Variants in PLA2G4B observed in about 807,000 individuals in gnomAD.
The protein encoded by PLA2G4B is cytosolic phospholipase A2 beta.
Under a neutral mutation model 95.8 loss-of-function variants are expected in PLA2G4B, and 122 were observed. The observed-to-expected ratio is 1.27, with a 90% CI of 1.10 to 1.48. The LOEUF (loss-of-function observed/expected upper bound fraction) is 1.48, where lower values mean the gene tolerates loss of function less well. PLA2G4B is among the 40% of genes most tolerant of loss of function. The pLI is 0.00. For missense variants in PLA2G4B, 1,158 were observed against 996.2 expected (o/e 1.16, Z -2.19); for synonymous variants, 518 against 421.5 (o/e 1.23, Z -2.80).
chr15:41,843,952 T>C, intron 11 of PLA2G4B, 141 bp downstream of exon 11: 1 of 1,416,144 alleles, frequency 7.1e-7, no homozygotes, highest in Non-Finnish European at 9.3e-7. Flanking sequence ...CACCTGGTGT[T>C]AGCAGGGACT....
chr15:41,847,922 G>A lies in PLA2G4B; in HGVS notation c.*62G>A, dbSNP rs561994472. 1.1e-4 allele frequency: 168 copies of A among 1,551,726 alleles called. 3 individuals carry two copies. The highest frequency in any genetic ancestry group is 4.1e-4 in the Middle Eastern group (2 of 4,866). The stretch of plus-strand genomic sequence containing the variant: ...TCCCTGGCTGCTGAGTTGCAGGTGG[G>A]AACTGTCATCACGCAGTGCTTCAGA... On this transcript the variant is annotated 3_prime_UTR_variant, in exon 20 of 20. Coordinates refer to ENST00000458483, the MANE Select transcript of PLA2G4B (RefSeq NM_001114633.2).
At chr15:41,840,268 GGGA>G (rs1318889503) in intron 2 of PLA2G4B, 38 bp downstream of exon 2, 2 of 1,609,768 alleles carry the variant, frequency 1.2e-6, no homozygotes, top group Non-Finnish European at 1.7e-6. Context: ...GCTGGGCTGA[GGGA>G]GGAGGAGGGT....
At position 41,844,863 on chromosome 15, in the gene PLA2G4B, TTA is replaced by T; in HGVS notation, c.1034_1035del (p.Tyr345Ter). The T allele has an allele frequency of 1.2e-6, 2 of 1,607,146 alleles. No homozygotes were observed. Among genetic ancestry groups the T allele is most frequent in the Non-Finnish European group, 1.7e-6 (2 of 1,177,210 alleles). Reference protein sequence around the residue: ...SGSTWALANLYEDPEWSQKDL... With the variant: ...SGSTWALANLXEDPEWSQKDL... ...CTTTTCCCAGGGCCTTGGCCAACCT[TTA>T]TGAGGACCCAGAGTGGTCTCAGAAG... is the stretch of plus-strand genomic sequence containing the variant. On this transcript the variant is annotated frameshift_variant, in exon 13 of 20. Coordinates refer to ENST00000458483, the MANE Select transcript of PLA2G4B (RefSeq NM_001114633.2). LOFTEE classifies it high-confidence loss of function.
intron 11 of PLA2G4B, among the ~76,000 whole-genome samples, chr15:41,844,231 C>A (rs527530289): frequency 1.3e-5 from 2 of 152,144 alleles, no homozygotes; most frequent in African/African-American, 4.8e-5. Flanking sequence ...GGGCTGAGGG[C>A]AAGGAGATGA....
In PLA2G4B at chr15:41,838,926, A is replaced by C; in HGVS notation, c.9+4A>C. 6.3e-7 allele frequency: 1 copy of C among 1,592,118 alleles called. No homozygotes were observed. The highest frequency in any genetic ancestry group is 8.6e-7 in the Non-Finnish European group (1 of 1,168,390). On this transcript the variant is annotated splice_donor_region_variant and intron_variant, in intron 1 of 19. Transcript: ENST00000458483. ...AGGACTCAGTCTCATGGCTGTGGTA[A>C]GGCCTGGCAGGGCCCTGGGTCCCTA...
At position 41,847,821 on chromosome 15, in the gene PLA2G4B, C is replaced by A; in HGVS notation, c.2307C>A (p.Arg769=). 1 of 1,608,204 alleles carries A rather than the reference C, an allele frequency of 6.2e-7. No homozygotes were observed. The change falls in exon 20 of 20, where the codon CGC becomes CGA. Residue 769 remains arginine, a synonymous_variant. Coordinates refer to ENST00000458483, the MANE Select transcript of PLA2G4B (RefSeq NM_001114633.2). ...NNQEQLLEAL[R]QAVQRRRQRR... is the part of the protein sequence containing the mutation. ...AGGAGCAGCTGCTGGAGGCTCTGCGCCAGGCAGTGCAGCGGAGGCGGCAGC... is the reference window on the plus strand; with the variant it reads ...AGGAGCAGCTGCTGGAGGCTCTGCGACAGGCAGTGCAGCGGAGGCGGCAGC...
Position 41,840,143 on chromosome 15 carries a change from C to T in PLA2G4B, c.10-15C>T, listed in dbSNP as rs372133894. ...CATCGGCCCGTAGCAGGTCTCCCCT[C>T]TCCCACCTCTGCAGGCAGAGGTGTC... On this transcript the variant is annotated splice_polypyrimidine_tract_variant and intron_variant, in intron 1 of 19. Coordinates refer to ENST00000458483, the MANE Select transcript of PLA2G4B (RefSeq NM_001114633.2). 9 of 1,611,578 alleles carry T rather than the reference C, an allele frequency of 5.6e-6. No homozygotes were observed. Among genetic ancestry groups the T allele is most frequent in the African/African-American group, 5.3e-5 (4 of 74,910 alleles).
At chr15:41,846,101 C>T in intron 16 of PLA2G4B, 54 bp downstream of exon 16, 6 of 1,572,826 alleles carry the variant, frequency 3.8e-6, no homozygotes, top group Non-Finnish European at 5.2e-6. Flanking sequence ...GCTGGGGCTG[C>T]ACCAGGGGGC....
intron 18 of PLA2G4B, 41 bp from the exon 19 acceptor site, chr15:41,847,296 G>A (rs1230992414): frequency 6.4e-7 from 1 of 1,554,584 alleles, no homozygotes; most frequent in Non-Finnish European, 8.7e-7. Context: ...GAGGATGCCA[G>A]GGGCCCTGTC....
In PLA2G4B at chr15:41,846,644, A is replaced by G. The variant is rs753929348; in HGVS notation, c.1781-25A>G. The stretch of plus-strand genomic sequence containing the variant: ...TCTGGTACCCTTGGTATCTGTGACA[A>G]TTGCTGCTCTCCCCAACCTTCCAGC... On this transcript the variant is annotated intron_variant, in intron 17 of 19. Transcript: ENST00000458483. The G allele has an allele frequency of 7.0e-6, 11 of 1,581,688 alleles. No homozygotes were observed. The South Asian group carries it at 1.0e-4, about 15-fold the overall frequency.
At chr15:41,847,299 GCCCTGTCCCTCTGAAGC>G in intron 18 of PLA2G4B, 21 bp from the exon 19 acceptor site, 1 of 1,561,856 alleles carries the variant, frequency 6.4e-7, no homozygotes, top group Non-Finnish European at 8.7e-7. Flanking sequence ...GATGCCAGGG[GCCCTGTCCCTCTGAAGC>G]CCCTTCTGCC....
Position 41,846,756 on chromosome 15 carries a change from G to A in PLA2G4B, c.1868G>A (p.Ser623Asn), listed in dbSNP as rs2140898742. ...LLDVGYLINT[S>N]CLPLLQPTRD... is the part of the protein sequence containing the mutation. Reference sequence around the variant, plus strand: ...GATGTTGGCTACCTCATCAATACCAGCTGCCTGCCCCTCCTGCAGCCCACT... The same window carrying A: ...GATGTTGGCTACCTCATCAATACCAACTGCCTGCCCCTCCTGCAGCCCACT... The change falls in exon 18 of 20, where the codon AGC (serine) becomes AAC (asparagine). Residue 623 changes from serine to asparagine, a missense_variant. Coordinates refer to ENST00000458483, the MANE Select transcript of PLA2G4B (RefSeq NM_001114633.2). 6.2e-7 allele frequency: 1 copy of A among 1,613,984 alleles called. No individual in the cohort carries two copies. The highest frequency in any genetic ancestry group is 1.7e-4 in the Middle Eastern group (1 of 6,060).
chr15:41,845,346 G>A, intron 14 of PLA2G4B, 26 bp downstream of exon 14: 2 of 1,609,208 alleles, frequency 1.2e-6, no homozygotes, highest in Non-Finnish European at 1.7e-6. Flanking sequence ...GCTGAGACCT[G>A]TGCCCTTGCA....
chr15:41,844,812 T>A, intron 12 of PLA2G4B, 36 bp from the exon 13 acceptor site: 1 of 1,571,576 alleles, frequency 6.4e-7, no homozygotes, highest in South Asian at 1.2e-5. Context: ...GGTCCTTCAG[T>A]GACAGCCCTC....
Position 41,842,264 on chromosome 15 carries a change from C to A in PLA2G4B, c.693C>A (p.Phe231Leu), listed in dbSNP as rs1442119078. The change falls in exon 9 of 20, where the codon TTC (phenylalanine) becomes TTA (leucine). Residue 231 changes from phenylalanine (F) to leucine (L), a missense_variant. Physicochemically the swap from Phe to Leu is conservative, Grantham distance 22 (BLOSUM62 0). Coordinates refer to ENST00000458483, the MANE Select transcript of PLA2G4B (RefSeq NM_001114633.2). Reference protein sequence around the residue: ...LPSGQVVRLVFPTSQEPLMRV... With the variant: ...LPSGQVVRLVLPTSQEPLMRV... Reference sequence around the variant, plus strand: ...CTGGTCAAGTGGTGAGGCTTGTCTTCCCCACGTCCCAGGTACTGGCCTCCC... The same window carrying A: ...CTGGTCAAGTGGTGAGGCTTGTCTTACCCACGTCCCAGGTACTGGCCTCCC... 6.2e-7 allele frequency: 1 copy of A among 1,614,010 alleles called. No individual in the cohort carries two copies. The highest frequency in any genetic ancestry group is 8.5e-7 in the Non-Finnish European group (1 of 1,180,014).
chr15:41,845,325 G>A lies in PLA2G4B; in HGVS notation c.1357+5G>A. The A allele has an allele frequency of 1.9e-6, 3 of 1,613,660 alleles. No homozygotes were observed. The highest frequency in any genetic ancestry group is 2.5e-6 in the Non-Finnish European group (3 of 1,179,828). Reference sequence around the variant, plus strand: ...TGACCACTTTTGAATTTGGGGGTGAGTGGCCCAAGAGCTGAGACCTGTGCC... The same window carrying A: ...TGACCACTTTTGAATTTGGGGGTGAATGGCCCAAGAGCTGAGACCTGTGCC... On this transcript the variant is annotated splice_donor_5th_base_variant and intron_variant, in intron 14 of 19. Coordinates refer to ENST00000458483, the MANE Select transcript of PLA2G4B (RefSeq NM_001114633.2).
rs201328054 is a variant in PLA2G4B at position 41,840,862 on chromosome 15, G to A, written c.308G>A (p.Arg103Gln). 50 of 1,613,762 alleles carry A rather than the reference G, an allele frequency of 3.1e-5. No homozygotes were observed. The highest frequency in any genetic ancestry group is 4.0e-5 in the African/African-American group (3 of 74,924). ...LSVLFDAGTL[R>Q]AGEFRRESFS... is the part of the protein sequence containing the mutation. The stretch of plus-strand genomic sequence containing the variant: ...GTACTGTTTGATGCGGGGACTCTGC[G>A]GGCTGGGGAGTTCCGGCGCGAGAGC... Residue 103 changes from arginine (R) to glutamine (Q), a missense_variant, in exon 4 of 20, where the codon CGG (arginine) becomes CAG (glutamine). Coordinates refer to ENST00000458483, the MANE Select transcript of PLA2G4B (RefSeq NM_001114633.2).
Position 41,846,236 on chromosome 15 carries a change from A to C in PLA2G4B, c.1634A>C (p.Glu545Ala), listed in dbSNP as rs779084501. ...CAGGTCCCCCTTCTGAAGATAGAAG[A>C]ACCACCCTCAACAGCCGGCAGGATA... is the stretch of plus-strand genomic sequence containing the variant. Reference protein sequence around the residue: ...KEQVPLLKIEEPPSTAGRIAE... With the variant: ...KEQVPLLKIEAPPSTAGRIAE... The change falls in exon 17 of 20, where the codon GAA (glutamate) becomes GCA (alanine). Residue 545 changes from glutamate to alanine, a missense_variant. Physicochemically the swap from Glu to Ala is moderately radical, Grantham distance 107. Coordinates refer to ENST00000458483, the MANE Select transcript of PLA2G4B (RefSeq NM_001114633.2). The C allele has an allele frequency of 6.2e-7, 1 of 1,614,010 alleles. No individual in the cohort carries two copies. The highest frequency in any genetic ancestry group is 8.5e-7 in the Non-Finnish European group (1 of 1,179,972).
Position 41,847,671 on chromosome 15 carries a change from G to A in PLA2G4B, c.2157G>A (p.Glu719=). 2 of 1,613,688 alleles carry A rather than the reference G, an allele frequency of 1.2e-6. No individual in the cohort carries two copies. The highest frequency in any genetic ancestry group is 1.7e-6 in the Non-Finnish European group (2 of 1,180,036). ...CAGGGGTCCGGCGGACACCCGAGGA[G>A]GCGGCAGCTGGGGAGGTGAACCTGT... is the stretch of plus-strand genomic sequence containing the variant. ...SAPGVRRTPE[E]AAAGEVNLSS... Residue 719 remains glutamate, a synonymous_variant, in exon 20 of 20, where the codon GAG becomes GAA. Transcript: ENST00000458483.
Sources: allele counts gnomAD v4.1 joint callset (sites outside exome capture counted in the v4.1 genomes callset), GRCh38; gene constraint gnomAD v4.1.1; transcripts MANE v1.5; gene names NCBI Gene and HGNC (gene_info 2026-07-23, HGNC 2026-07-21).